The following RNF216 variants were observed in gnomAD, a reference collection of about 807,000 sequenced individuals.
The protein encoded by RNF216 is E3 ubiquitin-protein ligase RNF216.
RNF216 carries 72 observed loss-of-function variants against 110.8 expected under a neutral mutation model. The ratio of observed to expected loss-of-function variants is 0.65; its 90% CI spans 0.54 to 0.79. The LOEUF (loss-of-function observed/expected upper bound fraction) is 0.79. Ranked by LOEUF, RNF216 falls within the 30% of genes least tolerant of loss-of-function variation. RNF216 has a pLI of 0.00. For synonymous variants in RNF216, 495 were observed against 407.5 expected, an observed-to-expected ratio of 1.21 and a Z score of -2.59; for missense variants, 1,342 against 1,141.2, an observed-to-expected ratio of 1.18 and a Z score of -2.54.
intron 1 of RNF216, chr7:5,766,874 T>C (rs1796236258): frequency 6.6e-6 from 1 of 152,222 alleles, no homozygotes; most frequent in Admixed American, 6.5e-5. Context: ...TGCGTGTGTA[T>C]GTTTAGAGAC....
intron 14 of RNF216, among the ~76,000 whole-genome samples, chr7:5,645,148 A>C (rs1472712496): frequency 2.6e-5 from 4 of 152,072 alleles, no homozygotes; most frequent in African/African-American, 9.7e-5. Flanking sequence ...CTGTTCTCTT[A>C]CTGCTTTCAA....
intron 13 of RNF216, among the ~76,000 whole-genome samples, chr7:5,684,274 T>C (rs1790839741): frequency 6.6e-6 from 1 of 151,628 alleles, no homozygotes; most frequent in Non-Finnish European, 1.5e-5. Context: ...AGCTAATTTT[T>C]GTTTTTGTAT....
Position 5,741,452 on chromosome 7 carries a change from T to C in RNF216, c.565A>G (p.Thr189Ala). Reference protein sequence around the residue: ...IILEEGSLLYTESDPLETQNQ... With the variant: ...IILEEGSLLYAESDPLETQNQ... ...TGAGTTTCCAAAGGATCGCTTTCTG[T>C]GTAAAGAAGGCTACCTTCTTCCAAG... Residue 189 changes from threonine to alanine, a missense_variant, in exon 4 of 17, where the codon ACA becomes GCA. By Grantham distance (58) the Thr-to-Ala change is moderately conservative. Transcript: ENST00000389902. 1.9e-6 allele frequency: 3 copies of C among 1,614,208 alleles called. No homozygotes were observed. Among genetic ancestry groups the C allele is most frequent in the Non-Finnish European group, 2.5e-6 (3 of 1,180,026 alleles).
intron 5 of RNF216, among the ~76,000 whole-genome samples, chr7:5,738,087 CAAAAAAAAAAAAAAAAAAA>C (rs200643372): frequency 9.0e-6 from 1 of 111,004 alleles, no homozygotes; most frequent in Admixed American, 9.2e-5. Context: ...AGACTGTCTC[CAAAAAAAAAAAAAAAAAAA>C]AAAAAAAAAA....
intron 15 of RNF216, among the ~76,000 whole-genome samples, chr7:5,631,341 G>A (rs1787058449): frequency 6.6e-6 from 1 of 152,168 alleles, no homozygotes; most frequent in South Asian, 2.1e-4. Context: ...CTCTTGCCCA[G>A]AGTGGGAGTG....
intron 4 of RNF216, 198 bp from the exon 5 acceptor site, chr7:5,739,550 C>T (rs1375551850): frequency 1.5e-6 from 1 of 657,002 alleles, no homozygotes; most frequent in East Asian, 3.0e-5. Flanking sequence ...CTAGAAAGGT[C>T]TTGAGAGATC....
intron 1 of RNF216, among the ~76,000 whole-genome samples, chr7:5,768,989 C>T (rs539821997): frequency 7.9e-5 from 12 of 151,660 alleles, no homozygotes; most frequent in Admixed American, 1.3e-4. Context: ...CACACATTAA[C>T]GAAGAAATTA....
At chr7:5,736,942 G>A (rs1031283917) in intron 5 of RNF216, among the ~76,000 whole-genome samples, 1 of 148,986 alleles carries the variant, frequency 6.7e-6, no homozygotes, top group Non-Finnish European at 1.5e-5. Context: ...CCGTCCGGGA[G>A]GTGGGGAGCA....
chr7:5,704,062 C>T (rs933499309), intron 13 of RNF216, among the ~76,000 whole-genome samples: 1 of 152,160 alleles, frequency 6.6e-6, no homozygotes, highest in Non-Finnish European at 1.5e-5. Context: ...TATCTGAGAA[C>T]ACACAAGGGA....
chr7:5,728,964 T>G (rs573544198), intron 7 of RNF216, among the ~76,000 whole-genome samples: 1 of 152,268 alleles, frequency 6.6e-6, no homozygotes, highest in African/African-American at 2.4e-5. Context: ...TTAAGTGCCA[T>G]CTATTTTAGG....
intron 1 of RNF216, among the ~76,000 whole-genome samples, chr7:5,778,017 T>C (rs1360916404): frequency 6.6e-6 from 1 of 152,246 alleles, no homozygotes; most frequent in Non-Finnish European, 1.5e-5. Flanking sequence ...CCAAAGGACA[T>C]GCTTCTGCTT....
At chr7:5,722,077 C>T (rs923698355) in intron 8 of RNF216, among the ~76,000 whole-genome samples, 4 of 152,068 alleles carry the variant, frequency 2.6e-5, no homozygotes, top group Admixed American at 1.3e-4. Flanking sequence ...GCAGATGCCA[C>T]CACACCCAGC....
chr7:5,648,041 C>A (rs1022795330), intron 14 of RNF216, among the ~76,000 whole-genome samples: 1 of 152,076 alleles, frequency 6.6e-6, no homozygotes, highest in Non-Finnish European at 1.5e-5. Flanking sequence ...TTGAGATGCA[C>A]AGAGCCACCT....
At chr7:5,767,997 T>C (rs1475291708) in intron 1 of RNF216, among the ~76,000 whole-genome samples, 1 of 151,970 alleles carries the variant, frequency 6.6e-6, no homozygotes, top group African/African-American at 2.4e-5. Context: ...ATCTTAAGGG[T>C]TAAGAGCAAA....
intron 7 of RNF216, among the ~76,000 whole-genome samples, chr7:5,728,307 C>T (rs1042929523): frequency 1.7e-4 from 26 of 151,802 alleles, no homozygotes; most frequent in African/African-American, 5.8e-4. Context: ...TGGCCAGGCA[C>T]GGTGGCTCAT....
chr7:5,777,347 G>GA (rs1196046003), intron 1 of RNF216: 1 of 152,216 alleles, frequency 6.6e-6, no homozygotes, highest in Non-Finnish European at 1.5e-5. Context: ...ACAGATAACT[G>GA]AAACAGAGCT....
chr7:5,686,307 G>A (rs934319074), intron 13 of RNF216, among the ~76,000 whole-genome samples: 1 of 151,908 alleles, frequency 6.6e-6, no homozygotes, highest in Non-Finnish European at 1.5e-5. Context: ...TTTCTGTGGG[G>A]GCTTCTGACA....
At position 5,652,461 on chromosome 7, in the gene RNF216, G is replaced by A. The variant is rs528531458; in HGVS notation, c.2111C>T (p.Thr704Ile). 1 of 1,613,950 alleles carries A rather than the reference G, an allele frequency of 6.2e-7. No individual in the cohort carries two copies. The highest frequency in any genetic ancestry group is 8.5e-7 in the Non-Finnish European group (1 of 1,179,868). ...GTCTTTTTCAGCCAGCTCTTCACAG[G>A]TGAGGCCATTATGTTCTTTCCAGAG... ...QGLWKEHNGL[T>I]CEELAEKDDI... Residue 704 changes from threonine to isoleucine, a missense_variant, in exon 14 of 17, where the codon ACC (threonine) becomes ATC (isoleucine). Physicochemically the swap from Thr to Ile is moderately conservative, Grantham distance 89 (BLOSUM62 -1). Transcript: ENST00000389902.
At chr7:5,725,571 C>T (rs1002033068) in intron 7 of RNF216, 133 bp from the exon 8 acceptor site, 5 of 635,628 alleles carry the variant, frequency 7.9e-6, no homozygotes, top group Admixed American at 5.6e-5. Context: ...GTAGTGGCAG[C>T]TGGGTGCGGT....
Sources: gnomAD v4.1 joint callset for allele counts (sites outside exome capture counted in the v4.1 genomes callset) on GRCh38, gnomAD v4.1.1 for gene constraint, MANE v1.5 for transcripts, NCBI Gene and HGNC (gene_info 2026-07-23, HGNC 2026-07-21) for gene names.